The following CELSR2 variants were observed in gnomAD, a reference collection of about 807,000 sequenced individuals.
CELSR2 encodes cadherin EGF LAG seven-pass G-type receptor 2.
Under a neutral mutation model 251.6 loss-of-function variants are expected in CELSR2, and 81 were observed. That is an observed-to-expected ratio of 0.32 (90% CI 0.27 to 0.39). The LOEUF (loss-of-function observed/expected upper bound fraction) is 0.39, where lower values mean the gene tolerates loss of function less well. Ranked by LOEUF, CELSR2 falls within the 10% of genes least tolerant of loss-of-function variation. The probability of loss-of-function intolerance (pLI) is 1.00; values close to 1 mark genes in which losing one functional copy is unlikely to be tolerated. For missense variants in CELSR2, 3,365 were observed against 3,947.7 expected, an observed-to-expected ratio of 0.85 and a Z score of 3.96; for synonymous variants, 1,721 against 1,670.5, an observed-to-expected ratio of 1.03 and a Z score of -0.74.
Position 109,263,151 on chromosome 1 carries a change from C to T in CELSR2, c.4718C>T (p.Ala1573Val), listed in dbSNP as rs1396250181. 7 of 1,597,534 alleles carry T rather than the reference C, an allele frequency of 4.4e-6. No homozygotes were observed. Among genetic ancestry groups the T allele is most frequent in the Non-Finnish European group, 5.1e-6 (6 of 1,166,638 alleles). Residue 1573 changes from alanine to valine, a missense_variant, in exon 8 of 34, where the codon GCC (alanine) becomes GTC (valine). By Grantham distance (64) the Ala-to-Val change is moderately conservative (BLOSUM62 0). Around this residue, in one of 5 missense-constraint regions of CELSR2, gnomAD observed 2,093 missense variants for 2,382.8 expected, o/e 0.88. Transcript: ENST00000271332. ...ANNGTVPGCP[A>V]KKNVCDSNTC... Reference sequence around the variant, plus strand: ...CTTCTCTCCATTCCAGGCTGCCCTGCCAAGAAGAACGTGTGTGACAGCAAC... The same window carrying T: ...CTTCTCTCCATTCCAGGCTGCCCTGTCAAGAAGAACGTGTGTGACAGCAAC...
chr1:109,273,312 G>C lies in CELSR2; in HGVS notation c.8485G>C (p.Gly2829Arg). The change falls in exon 32 of 34, where the codon GGC becomes CGC. Residue 2829 changes from glycine to arginine, a missense_variant. This residue lies in a region of CELSR2 where 2,093 missense variants were observed against 2,382.8 expected (regional missense o/e 0.88). Transcript: ENST00000271332. The part of the protein sequence containing the change: ...SREGSLGPLP[G>R]SSAQPHKGIL... ...AGAGGGGTCCCTAGGCCCCCTTCCAGGCTCTTCTGCCCAGCCTCACAAAGG... is the reference window on the plus strand; with the variant it reads ...AGAGGGGTCCCTAGGCCCCCTTCCACGCTCTTCTGCCCAGCCTCACAAAGG... 6.3e-7 allele frequency: 1 copy of C among 1,598,236 alleles called. No homozygotes were observed. The highest frequency in any genetic ancestry group is 1.1e-5 in the South Asian group (1 of 88,882).
rs1656044243 is a variant in CELSR2, at chr1:109,262,430, G to C, written c.4530G>C (p.Gln1510His). 1 of 1,613,850 alleles carries C rather than the reference G, an allele frequency of 6.2e-7. No homozygotes were observed. Among genetic ancestry groups the C allele is most frequent in the South Asian group, 1.1e-5 (1 of 91,088 alleles). The change falls in exon 6 of 34, where the codon CAG becomes CAC. Residue 1510 changes from glutamine (Q) to histidine (H), a missense_variant. Physicochemically the swap from Gln to His is conservative, Grantham distance 24. Transcript: ENST00000271332. ...ACTCCTGTGCTGCCCAGGGCACCCAGGGTGGCAGCAAGAAGTGAGCAGGGG... is the reference window on the plus strand; with the variant it reads ...ACTCCTGTGCTGCCCAGGGCACCCACGGTGGCAGCAAGAAGTGAGCAGGGG... ...GNYSCAAQGT[Q>H]GGSKKSLDLT... is the part of the protein sequence containing the mutation.
At position 109,258,788 on chromosome 1, in the gene CELSR2, C is replaced by A. The variant is rs920137746; in HGVS notation, c.3667C>A (p.Arg1223Ser). Reference protein sequence around the residue: ...RSLLTAISAQRVLPFDDNICL... With the variant: ...RSLLTAISAQSVLPFDDNICL... ...CCTGCTGACGGCCATCTCGGCACAG[C>A]GCGTGCTGCCCTTCGACGACAACAT... The change falls in exon 2 of 34, where the codon CGC (arginine) becomes AGC (serine). Residue 1223 changes from arginine (R) to serine (S), a missense_variant. Coordinates refer to ENST00000271332, the MANE Select transcript of CELSR2 (RefSeq NM_001408.3). 8.1e-6 allele frequency: 13 copies of A among 1,606,892 alleles called. No homozygotes were observed. Among genetic ancestry groups the A allele is most frequent in the African/African-American group, 2.7e-5 (2 of 74,820 alleles).
At chr1:109,258,039 G>T (rs112134497) in intron 1 of CELSR2, among the ~76,000 whole-genome samples, 121 of 152,264 alleles carry the variant, frequency 7.9e-4, no homozygotes, top group African/African-American at 2.9e-3. Flanking sequence ...TGGTGTTGAG[G>T]TGTAGAGGCT....
rs201578855 is a variant in CELSR2 at position 109,269,246 on chromosome 1, C to T, written c.6768C>T (p.Ala2256=). The change falls in exon 20 of 34, where the codon GCC becomes GCT. Residue 2256 remains alanine, a synonymous_variant. Transcript: ENST00000271332. This position sits in a 1 kb window ranked among gnomAD's most constrained non-coding sequence, Gnocchi z 6.4. ...VASVIIYRTL[A]GLLPHNYDPD... ...GCGTCATCATCTACCGCACCCTGGC[C>T]GGGCTACTGCCTCATAACTATGACC... The T allele has an allele frequency of 9.1e-5, 146 of 1,612,950 alleles. No homozygotes were observed. Among genetic ancestry groups the T allele is most frequent in the Non-Finnish European group, 1.1e-4 (127 of 1,179,950 alleles).
chr1:109,270,204 C>T (rs1570792890), intron 23 of CELSR2, 71 bp downstream of exon 23: 1 of 1,504,784 alleles, frequency 6.6e-7, no homozygotes, highest in Non-Finnish European at 9.2e-7. Context: ...CACTGGCAAC[C>T]CCTGCTCCTG....
rs1241327662 is a variant in CELSR2 at position 109,262,386 on chromosome 1, G to A, written c.4486G>A (p.Gly1496Arg). Residue 1496 changes from glycine to arginine, a missense_variant, in exon 6 of 34, where the codon GGA becomes AGA. Coordinates refer to ENST00000271332, the MANE Select transcript of CELSR2 (RefSeq NM_001408.3). ...GCDTGVALRF[G>R]SVLGNYSCAA... ...TGACACAGGAGTGGCCTTGCGCTTCGGATCTGTCCTGGGCAACTACTCCTG... is the reference window on the plus strand; with the variant it reads ...TGACACAGGAGTGGCCTTGCGCTTCAGATCTGTCCTGGGCAACTACTCCTG... The A allele has an allele frequency of 1.8e-5, 29 of 1,614,072 alleles. No individual in the cohort carries two copies. The highest frequency in any genetic ancestry group is 8.8e-5 in the South Asian group (8 of 91,080).
At position 109,272,881 on chromosome 1, in the gene CELSR2, G is replaced by A. The variant is rs1656412334; in HGVS notation, c.8192G>A (p.Ser2731Asn). 1.9e-6 allele frequency: 3 copies of A among 1,613,918 alleles called. No homozygotes were observed. The highest frequency in any genetic ancestry group is 1.7e-5 in the Admixed American group (1 of 59,996). Reference sequence around the variant, plus strand: ...GACCTGTCCTTAGAAGACGACCAGAGTGGCTCCTATGCCTCTACCCACTCA... The same window carrying A: ...GACCTGTCCTTAGAAGACGACCAGAATGGCTCCTATGCCTCTACCCACTCA... Reference protein sequence around the residue: ...DSDLSLEDDQSGSYASTHSSD... With the variant: ...DSDLSLEDDQNGSYASTHSSD... Residue 2731 changes from serine (S) to asparagine (N), a missense_variant, in exon 31 of 34, where the codon AGT becomes AAT. By Grantham distance (46) the Ser-to-Asn change is conservative. Transcript: ENST00000271332.
At position 109,253,005 on chromosome 1, in the gene CELSR2, G is replaced by A. The variant is rs1468028003; in HGVS notation, c.2926G>A (p.Gly976Arg). Residue 976 changes from glycine (G) to arginine (R), a missense_variant, in exon 1 of 34, where the codon GGG (glycine) becomes AGG (arginine). Coordinates refer to ENST00000271332, the MANE Select transcript of CELSR2 (RefSeq NM_001408.3). ...PEVFQLDIFS[G>R]ELTALVDLDY... ...GGTCTTTCAGCTGGACATCTTCTCCGGGGAGCTGACAGCCCTGGTAGACTT... is the reference window on the plus strand; with the variant it reads ...GGTCTTTCAGCTGGACATCTTCTCCAGGGAGCTGACAGCCCTGGTAGACTT... 1.2e-6 allele frequency: 2 copies of A among 1,612,460 alleles called. No homozygotes were observed. Among genetic ancestry groups the A allele is most frequent in the Admixed American group, 1.7e-5 (1 of 59,976 alleles).
At position 109,250,729 on chromosome 1, in the gene CELSR2, A is replaced by G. The variant is rs1655662898; in HGVS notation, c.650A>G (p.Glu217Gly). ...GACGAGGGTGAGGCAGGTCGACTGG[A>G]GTACACCATGGATGCCCTCTTTGAT... ...DPDEGEAGRL[E>G]YTMDALFDSR... The change falls in exon 1 of 34, where the codon GAG (glutamate) becomes GGG (glycine). Residue 217 changes from glutamate (E) to glycine (G), a missense_variant. Physicochemically the swap from Glu to Gly is moderately conservative, Grantham distance 98. Around this residue, in one of 5 missense-constraint regions of CELSR2, gnomAD observed 704 missense variants for 784.1 expected, o/e 0.90. Transcript: ENST00000271332. The surrounding 1 kb of genome is among the most constrained non-coding windows in gnomAD (Gnocchi z 4.4). 6.2e-7 allele frequency: 1 copy of G among 1,613,996 alleles called. No homozygotes were observed. The highest frequency in any genetic ancestry group is 1.7e-5 in the Admixed American group (1 of 59,998).
intron 8 of CELSR2, 109 bp from the exon 9 acceptor site, chr1:109,263,502 A>T: frequency 1.3e-6 from 2 of 1,482,584 alleles, no homozygotes; most frequent in Middle Eastern, 3.6e-4. Flanking sequence ...GGCGGGGCTG[A>T]TGAGGGGAGT....
intron 33 of CELSR2, 152 bp from the exon 34 acceptor site, chr1:109,273,870 C>A (rs1371744818): frequency 1.1e-5 from 13 of 1,183,168 alleles, no homozygotes; most frequent in East Asian, 2.3e-5. Flanking sequence ...AGGCTCTACG[C>A]GGCGCAGCCC....
At position 109,261,394 on chromosome 1, in the gene CELSR2, C is replaced by G. The variant is rs1472128381; in HGVS notation, c.4182-119C>G. 1 of 1,340,278 alleles carries G rather than the reference C, an allele frequency of 7.5e-7. No homozygotes were observed. The allele number at this position is 1,340,278 out of a possible 1,614,324, so 83.0% of individuals were successfully genotyped here. A position where few individuals can be genotyped will look rare whatever the true frequency, so the allele number is the denominator to read the frequency against. ...GGCTGCCGGCAGAGCCAGGTCTGCT[C>G]TTGGAGTTGCCTGTGGTTCTGCCAG... On this transcript the variant is annotated intron_variant, in intron 3 of 33. Transcript: ENST00000271332. The surrounding 1 kb of genome is among the most constrained non-coding windows in gnomAD (Gnocchi z 4.8).
chr1:109,273,412 T>A, intron 32 of CELSR2, 24 bp from the exon 33 acceptor site: 1 of 1,608,050 alleles, frequency 6.2e-7, no homozygotes, highest in Non-Finnish European at 8.5e-7. Flanking sequence ...TGGCCGCACC[T>A]CACAGCCCCG....
chr1:109,273,391 A>T (rs781660456), intron 32 of CELSR2, 45 bp from the exon 33 acceptor site: 101 of 1,608,016 alleles, frequency 6.3e-5, no homozygotes, highest in Non-Finnish European at 8.1e-5. Context: ...CTCATACCTC[A>T]CATTCTCCTG....
At chr1:109,272,154 C>T in intron 28 of CELSR2, 124 bp from the exon 29 acceptor site, 2 of 1,285,970 alleles carry the variant, frequency 1.6e-6, no homozygotes, top group Non-Finnish European at 2.1e-6. Flanking sequence ...AAGCAGGGCC[C>T]TCTCTTTCAG....
rs1046584235 is a variant in CELSR2, at chr1:109,250,784, C to T, written c.705C>T (p.Asp235=). ...GCTCCAACCAGTTCTTCTCCCTGGA[C>T]CCAGTCACTGGTGCAGTAACCACAG... is the stretch of plus-strand genomic sequence containing the variant. ...DSRSNQFFSL[D]PVTGAVTTAE... The change falls in exon 1 of 34, where the codon GAC becomes GAT. Residue 235 remains aspartate, a synonymous_variant. Coordinates refer to ENST00000271332, the MANE Select transcript of CELSR2 (RefSeq NM_001408.3). The surrounding 1 kb of genome is among the most constrained non-coding windows in gnomAD (Gnocchi z 4.4). 5.0e-6 allele frequency: 8 copies of T among 1,614,082 alleles called. No homozygotes were observed. In the Admixed American group the frequency reaches 6.7e-5, roughly 13 times the overall value.
intron 30 of CELSR2, 32 bp from the exon 31 acceptor site, chr1:109,272,801 G>T: frequency 6.2e-7 from 1 of 1,612,998 alleles, no homozygotes; most frequent in Non-Finnish European, 8.5e-7. Context: ...GGAGGTGGCT[G>T]GGCTGGCTGT....
intron 16 of CELSR2, 41 bp downstream of exon 16, chr1:109,267,683 G>T: frequency 6.2e-7 from 1 of 1,606,574 alleles, no homozygotes; most frequent in Non-Finnish European, 8.5e-7. Context: ...CCTGTCCTTC[G>T]TCCTGAGTCT....
Sources: gnomAD v4.1 joint callset for allele counts (sites outside exome capture counted in the v4.1 genomes callset) on GRCh38, gnomAD v4.1.1 for gene constraint, gnomAD v4.1.1 regional missense constraint, Gnocchi (gnomAD v3.1) non-coding constraint, MANE v1.5 for transcripts, NCBI Gene and HGNC (gene_info 2026-07-23, HGNC 2026-07-21) for gene names.